UVRAG: variants seen among roughly 807,000 people sequenced by gnomAD.
The protein encoded by UVRAG is UV radiation resistance-associated gene protein.
UVRAG carries 19 observed loss-of-function variants against 78.0 expected under a neutral mutation model. The observed-to-expected ratio is 0.24, with a 90% CI of 0.17 to 0.36. The LOEUF (loss-of-function observed/expected upper bound fraction) is 0.36, where lower values mean the gene tolerates loss of function less well. Among genes scored for constraint, UVRAG ranks in the 10% least tolerant of loss-of-function variants. The pLI is 1.00. For missense variants in UVRAG, 740 were observed against 853.8 expected (o/e 0.87, Z 1.66); for synonymous variants, 323 against 324.6 (o/e 1.00, Z 0.05).
intron 1 of UVRAG, among the ~76,000 whole-genome samples, chr11:75,850,550 G>A (rs369455980): frequency 2.0e-5 from 3 of 152,288 alleles, no homozygotes; most frequent in East Asian, 3.9e-4. Context: ...GGATGTTTTT[G>A]TACATTATCC....
chr11:75,974,437 G>A (rs975322303), intron 7 of UVRAG, among the ~76,000 whole-genome samples: 2 of 146,922 alleles, frequency 1.4e-5, no homozygotes, highest in African/African-American at 2.5e-5. Context: ...CGCAATCTCG[G>A]CTCACTGCAA....
chr11:75,911,863 T>C, intron 5 of UVRAG, 91 bp from the exon 6 acceptor site: 2 of 861,872 alleles, frequency 2.3e-6, no homozygotes, highest in African/African-American at 1.7e-5. Context: ...GTTGTTAATA[T>C]GTCATATTTT....
intron 12 of UVRAG, among the ~76,000 whole-genome samples, chr11:76,058,099 A>G (rs1951016452): frequency 6.6e-6 from 1 of 152,148 alleles, no homozygotes; most frequent in East Asian, 1.9e-4. Context: ...GGTATTCCAC[A>G]GGAGGAGCCC....
intron 3 of UVRAG, among the ~76,000 whole-genome samples, chr11:75,875,890 C>T (rs563261461): frequency 1.3e-5 from 2 of 152,262 alleles, no homozygotes; most frequent in South Asian, 4.1e-4. Flanking sequence ...AATGCCAAAA[C>T]TGGCCACGTG....
At chr11:75,987,577 A>G (rs931225073) in intron 8 of UVRAG, among the ~76,000 whole-genome samples, 2 of 152,298 alleles carry the variant, frequency 1.3e-5, no homozygotes, top group Non-Finnish European at 2.9e-5. Context: ...TAGAAGTAGT[A>G]TCAGTGGATA....
At chr11:76,082,412 C>T (rs955520422) in intron 13 of UVRAG, among the ~76,000 whole-genome samples, 3 of 151,650 alleles carry the variant, frequency 2.0e-5, no homozygotes, top group Admixed American at 6.6e-5. Flanking sequence ...TGGTGTCGGG[C>T]GCCTGTAATC....
rs529752328 is a variant in UVRAG, at chr11:75,870,866, CTTTAT to C, written c.271-9004_271-9000del. Among the ~76,000 whole-genome samples, 761 of 151,904 alleles carry C rather than the reference CTTTAT, an allele frequency of 5.0e-3. 8 individuals carry two copies. The highest frequency in any genetic ancestry group is 7.8e-3 in the Non-Finnish European group (532 of 67,930). On this transcript the variant is annotated intron_variant, in intron 3 of 14. Transcript: ENST00000356136. Reference sequence around the variant, plus strand: ...CACGATCATCTTTTGCTTTTCTTTGCTTTATTTTATTTTTTTTTTTGATACGGAGT... The same window carrying C: ...CACGATCATCTTTTGCTTTTCTTTGCTTTATTTTTTTTTTTGATACGGAGT...
intron 6 of UVRAG, among the ~76,000 whole-genome samples, chr11:75,932,291 T>TGA (rs1457303367): frequency 4.0e-5 from 6 of 151,690 alleles, no homozygotes; most frequent in African/African-American, 1.2e-4. Context: ...ATTTATTTAT[T>TGA]TATTTATTTA....
At chr11:76,044,704 A>G (rs966514929) in intron 12 of UVRAG, among the ~76,000 whole-genome samples, 1 of 152,038 alleles carries the variant, frequency 6.6e-6, no homozygotes, top group African/African-American at 2.4e-5. Context: ...AACCTGGGAG[A>G]CGGAGGCTGT....
intron 5 of UVRAG, among the ~76,000 whole-genome samples, chr11:75,892,691 G>T (rs961507671): frequency 6.6e-6 from 1 of 152,134 alleles, no homozygotes; most frequent in Non-Finnish European, 1.5e-5. Flanking sequence ...AATTGGATAA[G>T]TTCAGCAGAT....
intron 5 of UVRAG, among the ~76,000 whole-genome samples, chr11:75,900,137 C>A (rs1947457758): frequency 6.6e-6 from 1 of 152,114 alleles, no homozygotes; most frequent in Non-Finnish European, 1.5e-5. Flanking sequence ...AAATTCAAAG[C>A]CAAGTATGGT....
intron 1 of UVRAG, among the ~76,000 whole-genome samples, chr11:75,838,127 A>T (rs1284378547): frequency 2.6e-5 from 4 of 152,210 alleles, no homozygotes; most frequent in Non-Finnish European, 5.9e-5. Context: ...CTTGGAAATT[A>T]TTCCATATCA....
intron 13 of UVRAG, among the ~76,000 whole-genome samples, chr11:76,111,050 C>CA (rs1484019119): frequency 6.6e-6 from 1 of 152,028 alleles, no homozygotes; most frequent in African/African-American, 2.4e-5. Flanking sequence ...GATGAGGTCT[C>CA]ACCATGTTGG....
chr11:75,850,036 C>G (rs924088438), intron 1 of UVRAG, among the ~76,000 whole-genome samples: 1 of 151,774 alleles, frequency 6.6e-6, no homozygotes, highest in Non-Finnish European at 1.5e-5. Flanking sequence ...TCACACCATG[C>G]AAATGAAGTG....
chr11:75,920,319 C>G (rs987819025), intron 6 of UVRAG, among the ~76,000 whole-genome samples: 1 of 152,024 alleles, frequency 6.6e-6, no homozygotes, highest in African/African-American at 2.4e-5. Context: ...GCCACCACGC[C>G]TGGCTAATTT....
At chr11:76,107,964 C>T (rs1000834681) in intron 13 of UVRAG, among the ~76,000 whole-genome samples, 1 of 151,968 alleles carries the variant, frequency 6.6e-6, no homozygotes, top group Non-Finnish European at 1.5e-5. Flanking sequence ...TTCGTATTTT[C>T]GGTTCCTCCA....
At chr11:76,074,808 C>A (rs948374935) in intron 13 of UVRAG, among the ~76,000 whole-genome samples, 1 of 152,178 alleles carries the variant, frequency 6.6e-6, no homozygotes, top group African/African-American at 2.4e-5. Flanking sequence ...TACAGAAGAG[C>A]CCCCTGAGAC....
chr11:75,897,911 C>G (rs1947382010), intron 5 of UVRAG, among the ~76,000 whole-genome samples: 1 of 141,692 alleles, frequency 7.1e-6, no homozygotes, highest in African/African-American at 2.8e-5. Flanking sequence ...GTTCTGTCAC[C>G]CAGGCTGGAG....
At chr11:75,981,715 G>A (rs1468271703) in intron 7 of UVRAG, among the ~76,000 whole-genome samples, 1 of 151,682 alleles carries the variant, frequency 6.6e-6, no homozygotes, top group East Asian at 1.9e-4. Context: ...AGTTACACAG[G>A]TCCCTGATGT....
Sources: allele counts gnomAD v4.1 joint callset (sites outside exome capture counted in the v4.1 genomes callset), GRCh38; gene constraint gnomAD v4.1.1; transcripts MANE v1.5; gene names NCBI Gene and HGNC (gene_info 2026-07-23, HGNC 2026-07-21).